The following RIPOR2 variants were observed in gnomAD, a reference collection of about 807,000 sequenced individuals.
The protein encoded by RIPOR2 is RHO family interacting cell polarization regulator 2.
In RIPOR2, 39 loss-of-function variants were observed where a neutral mutation model predicts 114.5. The ratio of observed to expected loss-of-function variants is 0.34; its 90% CI spans 0.26 to 0.44. RIPOR2 has a LOEUF of 0.44. RIPOR2 is among the 20% of genes least tolerant of loss of function. The probability of loss-of-function intolerance (pLI) is 1.00; values close to 1 mark genes in which losing one functional copy is unlikely to be tolerated. For synonymous variants in RIPOR2, 445 were observed against 484.4 expected (o/e 0.92, Z 1.07); for missense variants, 1,007 against 1,255.1 (o/e 0.80, Z 2.99).
chr6:24,829,837 G>A (rs1458384395), intron 17 of RIPOR2, among the ~76,000 whole-genome samples: 1 of 152,082 alleles, frequency 6.6e-6, no homozygotes, highest in Non-Finnish European at 1.5e-5. Context: ...CAACGGTAGG[G>A]GGTATATTGA....
chr6:24,846,119 A>G (rs112994722), intron 12 of RIPOR2, among the ~76,000 whole-genome samples: 3 of 152,226 alleles, frequency 2.0e-5, no homozygotes, highest in Non-Finnish European at 4.4e-5. Flanking sequence ...TCTCGCCCAC[A>G]ACCCCCAACC....
intron 1 of RIPOR2, chr6:25,041,748 G>C: frequency 3.2e-6 from 2 of 628,188 alleles, no homozygotes; most frequent in East Asian, 2.8e-5. Flanking sequence ...AGGAGGAAGG[G>C]GGAAAGATTG....
chr6:24,924,371 C>A (rs918821970), intron 1 of RIPOR2, among the ~76,000 whole-genome samples: 2 of 152,110 alleles, frequency 1.3e-5, no homozygotes, highest in African/African-American at 4.8e-5. Flanking sequence ...GAACTCGAAG[C>A]ATCATATGGG....
chr6:24,817,778 A>G (rs1469070114), intron 20 of RIPOR2, among the ~76,000 whole-genome samples: 1 of 152,102 alleles, frequency 6.6e-6, no homozygotes, highest in Non-Finnish European at 1.5e-5. Flanking sequence ...CCTCCTTATG[A>G]CAATCAAAAC....
intron 12 of RIPOR2, among the ~76,000 whole-genome samples, chr6:24,847,054 T>G (rs140826734): frequency 2.6e-5 from 4 of 152,240 alleles, no homozygotes; most frequent in African/African-American, 9.6e-5. Flanking sequence ...TGGGTTCAAG[T>G]GATCCTCTCA....
intron 1 of RIPOR2, among the ~76,000 whole-genome samples, chr6:24,918,501 C>A (rs1275747584): frequency 1.3e-5 from 2 of 152,148 alleles, no homozygotes; most frequent in African/African-American, 4.8e-5. Flanking sequence ...ATGCAAAGAT[C>A]TTCCCAAAGT....
In RIPOR2 at chr6:24,825,394, A is replaced by G. The variant is rs1292905356; in HGVS notation, c.2700T>C (p.Asp900=). 9 of 1,552,122 alleles carry G rather than the reference A, an allele frequency of 5.8e-6. No individual in the cohort carries two copies. Among genetic ancestry groups the G allele is most frequent in the African/African-American group, 1.4e-5 (1 of 73,046 alleles). The part of the protein sequence containing the change: ...SMVQTLQSLR[D]EKLLQTMSDL... ...CACTCATGGTTTGTAGCAGTTTTTC[A>G]TCTCTTAGTGATTGCAGAGTCTGAA... The change falls in exon 19 of 22, where the codon GAT becomes GAC. Residue 900 remains aspartate, a synonymous_variant. Coordinates refer to ENST00000643898, the MANE Select transcript of RIPOR2 (RefSeq NM_001286445.3).
chr6:24,920,777 A>C (rs989246820), intron 1 of RIPOR2, among the ~76,000 whole-genome samples: 1 of 152,008 alleles, frequency 6.6e-6, no homozygotes, highest in African/African-American at 2.4e-5. Flanking sequence ...ACCCTTCCTC[A>C]CCTTAAGTCT....
intron 1 of RIPOR2, among the ~76,000 whole-genome samples, chr6:24,949,286 G>T (rs1190409167): frequency 1.3e-5 from 2 of 152,094 alleles, no homozygotes; most frequent in African/African-American, 2.4e-5. Flanking sequence ...GCAGAAAGCC[G>T]CCAGCTCTCC....
At chr6:25,026,638 A>G (rs1276205964) in intron 1 of RIPOR2, among the ~76,000 whole-genome samples, 3 of 152,380 alleles carry the variant, frequency 2.0e-5, no homozygotes, top group Non-Finnish European at 2.9e-5. Flanking sequence ...GTGTACTTAT[A>G]AAGAAATCAT....
In RIPOR2 at chr6:25,037,285, AG is replaced by A; in HGVS notation, c.76+4565del. 6.6e-6 allele frequency among the ~76,000 whole-genome samples: 1 copy of A among 152,214 alleles called. No homozygotes were observed. The highest frequency in any genetic ancestry group is 1.9e-4 in the East Asian group (1 of 5,198). The stretch of plus-strand genomic sequence containing the variant: ...GGTTGTCAAAGCTTATATACTTTTC[AG>A]GGTTTCTTTCCTTTAATCGCCCACC... On this transcript the variant is annotated intron_variant, in intron 1 of 13. Coordinates refer to the RIPOR2 transcript ENST00000510784. The surrounding 1 kb of genome is among the most constrained non-coding windows in gnomAD (Gnocchi z 4.5).
At chr6:24,914,822 A>T (rs2207399) in intron 1 of RIPOR2, among the ~76,000 whole-genome samples, 70,529 of 152,086 alleles carry the variant, frequency 0.46, 17,921 homozygotes, top group African/African-American at 0.68. Context: ...ACAGCTTCAC[A>T]TATGTAATAA....
intron 1 of RIPOR2, among the ~76,000 whole-genome samples, chr6:24,921,018 C>T (rs1349980412): frequency 1.3e-5 from 2 of 152,166 alleles, no homozygotes; most frequent in Non-Finnish European, 2.9e-5. Context: ...TCAGAATGAT[C>T]CTTTTGTAAG....
chr6:25,001,485 C>T (rs958644775), intron 1 of RIPOR2, among the ~76,000 whole-genome samples: 3 of 151,556 alleles, frequency 2.0e-5, no homozygotes, highest in South Asian at 2.1e-4. Context: ...ATTAGCTGGG[C>T]GCGGTGGCGG....
At chr6:24,988,488 C>T (rs756471086) in intron 1 of RIPOR2, among the ~76,000 whole-genome samples, 6 of 152,174 alleles carry the variant, frequency 3.9e-5, no homozygotes, top group Admixed American at 6.5e-5. Context: ...TGAATAGCTT[C>T]TTAATCTATC....
In RIPOR2 at chr6:25,034,148, C is replaced by T. The variant is rs1048997626; in HGVS notation, c.76+7703G>A. Among the ~76,000 whole-genome samples, 10 of 151,772 alleles carry T rather than the reference C, an allele frequency of 6.6e-5. No individual in the cohort carries two copies. The South Asian group carries it at 1.0e-3, about 16-fold the overall frequency. ...AAAGAAATGGGAGTGCTACGCTGTA[C>T]GGGGTGAGGGCTGGGAATTCTAGAT... On this transcript the variant is annotated intron_variant, in intron 1 of 13. Coordinates refer to the RIPOR2 transcript ENST00000510784.
intron 1 of RIPOR2, among the ~76,000 whole-genome samples, chr6:24,993,255 G>A (rs992318008): frequency 1.3e-5 from 2 of 152,128 alleles, no homozygotes; most frequent in Admixed American, 6.5e-5. Context: ...TATGAATCTG[G>A]GTGCTCCTGT....
intron 19 of RIPOR2, among the ~76,000 whole-genome samples, chr6:24,822,095 GC>G (rs1351682765): frequency 6.6e-6 from 1 of 152,176 alleles, no homozygotes; most frequent in Non-Finnish European, 1.5e-5. Flanking sequence ...GTAGGATCCC[GC>G]CATTAAAATC....
rs1295263531 is a variant in RIPOR2 at position 24,873,520 on chromosome 6, T to C, written c.344+124A>G. On this transcript the variant is annotated intron_variant, in intron 3 of 21. Transcript: ENST00000643898. ...TGGGACTTATGTCAGGCTTCCCTAATTGTGGTACAAGAATAAAATACCTCC... is the reference window on the plus strand; with the variant it reads ...TGGGACTTATGTCAGGCTTCCCTAACTGTGGTACAAGAATAAAATACCTCC... 4.8e-6 allele frequency: 4 copies of C among 834,722 alleles called. No individual in the cohort carries two copies. The East Asian group carries it at 7.5e-5, about 16-fold the overall frequency. 51.7% of individuals were successfully genotyped at this position (834,722 alleles called of 1,614,324 possible). A position where few individuals can be genotyped will look rare whatever the true frequency, so the allele number is the denominator to read the frequency against.
Sources: allele counts gnomAD v4.1 joint callset (sites outside exome capture counted in the v4.1 genomes callset), GRCh38; gene constraint gnomAD v4.1.1; non-coding constraint Gnocchi (gnomAD v3.1); transcripts MANE v1.5; gene names NCBI Gene and HGNC (gene_info 2026-07-23, HGNC 2026-07-21).